MDN1: variants seen among roughly 807,000 people sequenced by gnomAD.
MDN1 encodes midasin.
In MDN1, 266 loss-of-function variants were observed where a neutral mutation model predicts 669.2. That is an observed-to-expected ratio of 0.40 (90% confidence interval 0.36 to 0.44). The LOEUF is 0.44. Among genes scored for constraint, MDN1 ranks in the 20% least tolerant of loss-of-function variants. MDN1 has a pLI of 1.00. For missense variants in MDN1, 5,940 were observed against 6,754.0 expected (o/e 0.88, Z 4.22); for synonymous variants, 2,385 against 2,457.1 (o/e 0.97, Z 0.87).
chr6:89,811,777 T>C (rs1245448107), intron 1 of MDN1, among the ~76,000 whole-genome samples: 1 of 151,950 alleles, frequency 6.6e-6, no homozygotes, highest in African/African-American at 2.4e-5. Context: ...ATTACTCCCA[T>C]AACATTCTTA....
chr6:89,695,686 G>C lies in MDN1; in HGVS notation c.9690C>G (p.Leu3230=). 6.2e-7 allele frequency: 1 copy of C among 1,613,622 alleles called. No individual in the cohort carries two copies. The highest frequency in any genetic ancestry group is 8.5e-7 in the Non-Finnish European group (1 of 1,179,954). The part of the protein sequence containing the change: ...RGSLWVSLGL[L]QIQTWLPQAR... The stretch of plus-strand genomic sequence containing the variant: ...CCTGGGGAAGCCATGTCTGAATCTG[G>C]AGCAAGCCGAGGCTCACCCAGAGGC... Residue 3230 remains leucine (L), a synonymous_variant, in exon 61 of 102, where the codon CTC becomes CTG. Coordinates refer to ENST00000369393, the MANE Select transcript of MDN1 (RefSeq NM_014611.3). This position sits in a 1 kb window ranked among gnomAD's most constrained non-coding sequence, Gnocchi z 4.1.
intron 78 of MDN1, 104 bp downstream of exon 78, chr6:89,675,360 A>G (rs1443011035): frequency 1.7e-5 from 16 of 931,994 alleles, no homozygotes; most frequent in Admixed American, 1.2e-4. Context: ...TCATTTCACA[A>G]TTGAGAGCAT....
At chr6:89,796,339 A>ACC (rs1488826656) in intron 2 of MDN1, among the ~76,000 whole-genome samples, 1 of 108,890 alleles carries the variant, frequency 9.2e-6, no homozygotes, top group African/African-American at 3.3e-5. Flanking sequence ...AAAAAAAAAA[A>ACC]AAAAAAAAAA....
intron 5 of MDN1, among the ~76,000 whole-genome samples, chr6:89,792,122 C>A (rs1250898919): frequency 6.6e-6 from 1 of 152,034 alleles, no homozygotes; most frequent in Non-Finnish European, 1.5e-5. Flanking sequence ...CCCGCCTCGG[C>A]CTCCCAAAGT....
At chr6:89,806,659 A>C (rs1768044129) in intron 1 of MDN1, among the ~76,000 whole-genome samples, 1 of 152,230 alleles carries the variant, frequency 6.6e-6, no homozygotes. Flanking sequence ...CGGAGGTTGC[A>C]GTGAACTGAG....
intron 49 of MDN1, among the ~76,000 whole-genome samples, chr6:89,711,263 T>C (rs938225150): frequency 6.6e-5 from 10 of 152,314 alleles, no homozygotes; most frequent in African/African-American, 2.4e-4. Context: ...ACAAAGAAAG[T>C]ACAGGTGGCC....
chr6:89,746,454 T>G (rs1160750735), intron 27 of MDN1, among the ~76,000 whole-genome samples: 1 of 151,794 alleles, frequency 6.6e-6, no homozygotes, highest in Non-Finnish European at 1.5e-5. Flanking sequence ...TGGTGGCGCT[T>G]GCCTGTAATC....
Position 89,794,712 on chromosome 6 carries a change from C to A in MDN1, c.419G>T (p.Arg140Leu). 1.2e-6 allele frequency: 2 copies of A among 1,614,204 alleles called. No homozygotes were observed. Among genetic ancestry groups the A allele is most frequent in the Non-Finnish European group, 1.7e-6 (2 of 1,180,038 alleles). Residue 140 changes from arginine (R) to leucine (L), a missense_variant, in exon 3 of 102, where the codon CGT (arginine) becomes CTT (leucine). Coordinates refer to ENST00000369393, the MANE Select transcript of MDN1 (RefSeq NM_014611.3). ...TAGGTCCCGGAGCTTCATCCTCCTA[C>A]GTCCATAGCGTACTGGATTAGCATC... ...SSDANPVRYGRRRMKLRDLME... is the reference protein window; with the variant it reads ...SSDANPVRYGLRRMKLRDLME...
At chr6:89,745,954 C>T (rs1002671478) in intron 27 of MDN1, among the ~76,000 whole-genome samples, 4 of 152,014 alleles carry the variant, frequency 2.6e-5, no homozygotes, top group Admixed American at 6.5e-5. Context: ...ATGGTGTCGT[C>T]ATACAGTGGA....
Position 89,690,686 on chromosome 6 carries a change from G to A in MDN1, c.10736C>T (p.Pro3579Leu). 1 of 1,614,038 alleles carries A rather than the reference G, an allele frequency of 6.2e-7. No individual in the cohort carries two copies. The highest frequency in any genetic ancestry group is 8.5e-7 in the Non-Finnish European group (1 of 1,179,982). The change falls in exon 64 of 102, where the codon CCC becomes CTC. Residue 3579 changes from proline to leucine, a missense_variant. Physicochemically the swap from Pro to Leu is moderately conservative, Grantham distance 98 (BLOSUM62 -3). Coordinates refer to ENST00000369393, the MANE Select transcript of MDN1 (RefSeq NM_014611.3). ...TCACTGCTCTACCTTTTCATGCAGGGGGAACTGTTTTCTGAACTCCCGTTC... is the reference window on the plus strand; with the variant it reads ...TCACTGCTCTACCTTTTCATGCAGGAGGAACTGTTTTCTGAACTCCCGTTC... The part of the protein sequence containing the change: ...EEEREFRKQF[P>L]LHEKDFADIL...
chr6:89,672,127 G>A (rs533528833), intron 82 of MDN1, 73 bp downstream of exon 82: 4 of 1,435,350 alleles, frequency 2.8e-6, no homozygotes, highest in Non-Finnish European at 2.8e-6. Context: ...CTACGTGGAG[G>A]GAAGTAAAGC....
chr6:89,712,878 CT>C, intron 47 of MDN1, 92 bp from the exon 48 acceptor site: 2 of 1,144,884 alleles, frequency 1.7e-6, no homozygotes, highest in Non-Finnish European at 2.5e-6. Context: ...ATGCGACCAC[CT>C]CACAACAACT....
At chr6:89,746,895 G>A in intron 27 of MDN1, among the ~76,000 whole-genome samples, 1 of 152,010 alleles carries the variant, frequency 6.6e-6, no homozygotes, top group Non-Finnish European at 1.5e-5. Flanking sequence ...TGCATTAAAG[G>A]AAAACAACAA....
In MDN1 at chr6:89,642,846, A is replaced by AATG. The variant is rs998868877; in HGVS notation, c.*1156_*1158dup. 3.9e-5 allele frequency: 6 copies of AATG among 152,378 alleles called. No homozygotes were observed. The highest frequency in any genetic ancestry group is 6.8e-3 in the Middle Eastern group (2 of 294). The allele number at this position is 152,378 out of a possible 1,614,324, so 9.4% of individuals were successfully genotyped here. A position where few individuals can be genotyped will look rare whatever the true frequency, so the allele number is the denominator to read the frequency against. The stretch of plus-strand genomic sequence containing the variant: ...AGCTGCATAGCTTTTTAGAATAAAA[A>AATG]ATGATATAACTTCAGGTACATGCTT... On this transcript the variant is annotated 3_prime_UTR_variant, in exon 102 of 102. Coordinates refer to ENST00000369393, the MANE Select transcript of MDN1 (RefSeq NM_014611.3).
chr6:89,737,944 G>C (rs1031448595), intron 33 of MDN1, among the ~76,000 whole-genome samples: 1 of 152,108 alleles, frequency 6.6e-6, no homozygotes. Flanking sequence ...GGCTGCTCTC[G>C]AACTCCTGAC....
chr6:89,670,164 ATATATATTTT>A (rs1810605464), intron 83 of MDN1, among the ~76,000 whole-genome samples: 1 of 18,272 alleles, frequency 5.5e-5, no homozygotes, highest in East Asian at 8.6e-3. Flanking sequence ...ATATATATAT[ATATATATTTT>A]TTTTTTTTTT....
rs2128317271 is a variant in MDN1 at position 89,743,158 on chromosome 6, T to C, written c.4440A>G (p.Arg1480=). The change falls in exon 31 of 102, where the codon AGA becomes AGG. Residue 1480 remains arginine (R), a synonymous_variant. Transcript: ENST00000369393. ...ACCTCTCAGGCACGTACCTGTTGAG[T>C]CTTTCCAAGACAGAGTCATCGGCCA... The part of the protein sequence containing the change: ...ISLADDSVLE[R]LNSVLEVEKS... The C allele has an allele frequency of 6.2e-7, 1 of 1,613,370 alleles. No individual in the cohort carries two copies. Among genetic ancestry groups the C allele is most frequent in the Non-Finnish European group, 8.5e-7 (1 of 1,179,880 alleles).
rs142817059 is a variant in MDN1 at position 89,723,524 on chromosome 6, A to G, written c.5766T>C (p.Ala1922=). ...TGTAGGTACTTACTTGGTTATTGAAAGCAACCATTTTCTTAACAATATTTT... is the reference window on the plus strand; with the variant it reads ...TGTAGGTACTTACTTGGTTATTGAAGGCAACCATTTTCTTAACAATATTTT... ...IEKNIVKKMV[A]FNNQIDHEVT... Residue 1922 remains alanine, a synonymous_variant, in exon 39 of 102, where the codon GCT becomes GCC. Transcript: ENST00000369393. 6.4e-7 allele frequency: 1 copy of G among 1,568,382 alleles called. No homozygotes were observed. The highest frequency in any genetic ancestry group is 8.7e-7 in the Non-Finnish European group (1 of 1,146,456).
At position 89,643,877 on chromosome 6, in the gene MDN1, G is replaced by T; in HGVS notation, c.*128C>A. ...GGAGCCAGAGAGCATTCTGTAGGCT[G>T]TAAGATCACGTTGTAAAATAAAAAT... is the stretch of plus-strand genomic sequence containing the variant. On this transcript the variant is annotated 3_prime_UTR_variant, in exon 102 of 102. Transcript: ENST00000369393. The T allele has an allele frequency of 1.2e-6, 1 of 848,814 alleles. No homozygotes were observed. Among genetic ancestry groups the T allele is most frequent in the Non-Finnish European group, 1.7e-6 (1 of 580,112 alleles). The allele number at this position is 848,814 out of a possible 1,614,324, so 52.6% of individuals were successfully genotyped here. A position where few individuals can be genotyped will look rare whatever the true frequency, so the allele number is the denominator to read the frequency against.
Sources: allele counts gnomAD v4.1 joint callset (sites outside exome capture counted in the v4.1 genomes callset), GRCh38; gene constraint gnomAD v4.1.1; non-coding constraint Gnocchi (gnomAD v3.1); transcripts MANE v1.5; gene names NCBI Gene and HGNC (gene_info 2026-07-23, HGNC 2026-07-21).